GALNT17: variants seen among roughly 807,000 people sequenced by gnomAD.
GALNT17 encodes the protein UDP-GalNAc:polypeptide N-acetylgalactosaminyltransferase-like 3.
A neutral mutation model predicts 63.7 loss-of-function variants in GALNT17; 29 were observed. The observed-to-expected ratio is 0.46, with a 90% CI of 0.34 to 0.62. The LOEUF is 0.62. GALNT17 is among the 20% of genes least tolerant of loss of function. The pLI is 0.01. For missense variants in GALNT17, 603 were observed against 799.6 expected, an observed-to-expected ratio of 0.75 and a Z score of 2.97; for synonymous variants, 305 against 318.3, an observed-to-expected ratio of 0.96 and a Z score of 0.45.
At position 71,576,742 on chromosome 7, in the gene GALNT17, A is replaced by G. The variant is rs35780554; in HGVS notation, c.1080+5340A>G. Among the ~76,000 whole-genome samples, 472 of 152,102 alleles carry G rather than the reference A, an allele frequency of 3.1e-3. 2 individuals are homozygous for G. The highest frequency in any genetic ancestry group is 4.8e-3 in the Non-Finnish European group (324 of 67,992). On this transcript the variant is annotated intron_variant, in intron 6 of 10. Coordinates refer to ENST00000333538, the MANE Select transcript of GALNT17 (RefSeq NM_022479.3). Reference sequence around the variant, plus strand: ...CACACCATACTTGGCTAAGTTTTGTATTTTTAGTAGAGACAGGGTTTCCCC... The same window carrying G: ...CACACCATACTTGGCTAAGTTTTGTGTTTTTAGTAGAGACAGGGTTTCCCC...
intron 1 of GALNT17, among the ~76,000 whole-genome samples, chr7:71,277,380 G>A (rs1226014569): frequency 2.6e-5 from 4 of 152,110 alleles, no homozygotes; most frequent in South Asian, 2.1e-4. Flanking sequence ...AAAACCACCC[G>A]TTGGATACAG....
At chr7:71,306,482 C>T (rs536425617) in intron 1 of GALNT17, among the ~76,000 whole-genome samples, 1 of 152,088 alleles carries the variant, frequency 6.6e-6, no homozygotes, top group East Asian at 1.9e-4. Context: ...TGAAATCATA[C>T]AGTAATTGTC....
intron 2 of GALNT17, among the ~76,000 whole-genome samples, chr7:71,346,296 C>T (rs1030603604): frequency 6.6e-6 from 1 of 152,024 alleles, no homozygotes; most frequent in Non-Finnish European, 1.5e-5. Context: ...TTCACAGACT[C>T]ACATGGACAC....
At chr7:71,402,350 G>A (rs1392771164) in intron 3 of GALNT17, among the ~76,000 whole-genome samples, 1 of 152,208 alleles carries the variant, frequency 6.6e-6, no homozygotes, top group Non-Finnish European at 1.5e-5. Context: ...AAGACCAATA[G>A]CTTGCTCTGT....
chr7:71,268,096 C>G (rs557309816), intron 1 of GALNT17, among the ~76,000 whole-genome samples: 1 of 152,140 alleles, frequency 6.6e-6, no homozygotes, highest in African/African-American at 2.4e-5. Flanking sequence ...TCACAAGATT[C>G]GTCCTGCAGC....
At chr7:71,230,638 C>T (rs1013578430) in intron 1 of GALNT17, among the ~76,000 whole-genome samples, 29 of 152,018 alleles carry the variant, frequency 1.9e-4, no homozygotes, top group Non-Finnish European at 1.8e-4. Context: ...GGCACAGTGC[C>T]GCTTAAGGAG....
chr7:71,552,131 A>G (rs975254800), intron 5 of GALNT17, among the ~76,000 whole-genome samples: 4 of 151,002 alleles, frequency 2.6e-5, no homozygotes, highest in Non-Finnish European at 5.9e-5. Flanking sequence ...TGCAACCTCC[A>G]CCTCCTGGGT....
chr7:71,329,303 G>T (rs1047205436), intron 1 of GALNT17, among the ~76,000 whole-genome samples: 1 of 152,074 alleles, frequency 6.6e-6, no homozygotes, highest in African/African-American at 2.4e-5. Context: ...ATGAGTAAGA[G>T]CACACAGAAT....
intron 1 of GALNT17, among the ~76,000 whole-genome samples, chr7:71,202,262 T>G (rs1009064684): frequency 1.3e-5 from 2 of 152,172 alleles, no homozygotes; most frequent in Non-Finnish European, 2.9e-5. Context: ...AAATTTTAAT[T>G]AAATTAAAAT....
chr7:71,426,262 C>T (rs1786759219), intron 5 of GALNT17, among the ~76,000 whole-genome samples: 1 of 152,168 alleles, frequency 6.6e-6, no homozygotes, highest in Admixed American at 6.5e-5. Flanking sequence ...TCCTTGAACT[C>T]CAGTTCAACC....
At chr7:71,522,232 C>A (rs1788542142) in intron 5 of GALNT17, among the ~76,000 whole-genome samples, 2 of 152,136 alleles carry the variant, frequency 1.3e-5, no homozygotes, top group South Asian at 4.1e-4. Context: ...AGTCCTCAAA[C>A]CCTCTTGAGC....
Position 71,158,455 on chromosome 7 carries a change from C to T in GALNT17, c.238+25415C>T, listed in dbSNP as rs59494766. On this transcript the variant is annotated intron_variant, in intron 1 of 10. Transcript: ENST00000333538. ...TGTTGCCCAGGCTGGAGTGCAGTGG[C>T]GTGATCTTGGCTCACTGCATCCTCC... Among the ~76,000 whole-genome samples, 20 of 151,598 alleles carry T rather than the reference C, an allele frequency of 1.3e-4. No individual in the cohort carries two copies. The East Asian group carries it at 3.5e-3, about 26-fold the overall frequency.
intron 1 of GALNT17, among the ~76,000 whole-genome samples, chr7:71,220,668 C>G (rs973029698): frequency 6.6e-6 from 1 of 152,090 alleles, no homozygotes; most frequent in African/African-American, 2.4e-5. Context: ...AACGAGGTCA[C>G]TGGGGTGGCC....
intron 5 of GALNT17, among the ~76,000 whole-genome samples, chr7:71,441,735 T>C (rs1372317704): frequency 2.0e-5 from 3 of 152,254 alleles, no homozygotes; most frequent in South Asian, 4.1e-4. Flanking sequence ...GAACATGCAG[T>C]GTTTGGTTTT....
At chr7:71,677,645 G>T (rs1791173211) in intron 9 of GALNT17, among the ~76,000 whole-genome samples, 1 of 151,844 alleles carries the variant, frequency 6.6e-6, no homozygotes, top group Non-Finnish European at 1.5e-5. Flanking sequence ...CTCCAGAGTA[G>T]CTGGGACTAC....
intron 5 of GALNT17, among the ~76,000 whole-genome samples, chr7:71,435,042 TA>T (rs1786933866): frequency 6.6e-6 from 1 of 152,156 alleles, no homozygotes; most frequent in Admixed American, 6.5e-5. Flanking sequence ...TACTCAGGAA[TA>T]TGGACAGATG....
chr7:71,349,859 A>G (rs1792160398), intron 2 of GALNT17, among the ~76,000 whole-genome samples: 1 of 152,240 alleles, frequency 6.6e-6, no homozygotes, highest in Non-Finnish European at 1.5e-5. Flanking sequence ...AATCTTATTC[A>G]TAAACATGAT....
At chr7:71,459,144 G>A (rs1162648811) in intron 5 of GALNT17, among the ~76,000 whole-genome samples, 1 of 152,084 alleles carries the variant, frequency 6.6e-6, no homozygotes, top group East Asian at 1.9e-4. Flanking sequence ...GAGTCTAATT[G>A]TGCAAAGAAC....
At chr7:71,136,907 C>T (rs1787794006) in intron 1 of GALNT17, among the ~76,000 whole-genome samples, 1 of 152,034 alleles carries the variant, frequency 6.6e-6, no homozygotes, top group African/African-American at 2.4e-5. Context: ...CCACCTCAGC[C>T]TCCCTAGTAG....
Sources: gnomAD v4.1 joint callset for allele counts (sites outside exome capture counted in the v4.1 genomes callset) on GRCh38, gnomAD v4.1.1 for gene constraint, MANE v1.5 for transcripts, NCBI Gene and HGNC (gene_info 2026-07-23, HGNC 2026-07-21) for gene names.